Variants in B3GAT1 observed in about 807,000 individuals in gnomAD.
B3GAT1 encodes beta-1,3-glucuronyltransferase 1.
B3GAT1 carries 11 observed loss-of-function variants against 28.4 expected under a neutral mutation model. The observed-to-expected ratio is 0.39, with a 90% CI of 0.24 to 0.64. The LOEUF (loss-of-function observed/expected upper bound fraction) is 0.64, where lower values mean the gene tolerates loss of function less well. Among genes scored for constraint, B3GAT1 ranks in the 30% least tolerant of loss-of-function variants. B3GAT1 has a pLI of 0.50. For synonymous variants in B3GAT1, 255 were observed against 223.1 expected (o/e 1.14, Z -1.27); for missense variants, 375 against 491.0 (o/e 0.76, Z 2.23).
intron 1 of B3GAT1, among the ~76,000 whole-genome samples, chr11:134,400,995 G>T (rs1460833651): frequency 6.6e-6 from 1 of 152,182 alleles, no homozygotes; most frequent in East Asian, 1.9e-4. Flanking sequence ...ATGAAAAAAT[G>T]CTCAAGATTA....
At chr11:134,398,365 A>G (rs1487849739) in intron 1 of B3GAT1, among the ~76,000 whole-genome samples, 10 of 152,120 alleles carry the variant, frequency 6.6e-5, no homozygotes, top group Admixed American at 6.5e-4. Context: ...GGATCCTGGA[A>G]CATAGATGGG....
intron 1 of B3GAT1, among the ~76,000 whole-genome samples, chr11:134,394,967 G>C (rs753059049): frequency 6.6e-6 from 1 of 152,156 alleles, no homozygotes; most frequent in Non-Finnish European, 1.5e-5. Context: ...GGAAACTGGG[G>C]TTTGGCTTAG....
At chr11:134,383,334 C>T (rs1223820782) in intron 3 of B3GAT1, among the ~76,000 whole-genome samples, 2 of 152,248 alleles carry the variant, frequency 1.3e-5, no homozygotes, top group East Asian at 1.9e-4. Flanking sequence ...CCCTTGTCCC[C>T]GAGACTAACA....
intron 1 of B3GAT1, among the ~76,000 whole-genome samples, chr11:134,396,383 T>C (rs1346763736): frequency 1.3e-5 from 2 of 152,110 alleles, no homozygotes; most frequent in Non-Finnish European, 2.9e-5. Flanking sequence ...AGTCATAGCC[T>C]TCTGCCACCC....
rs376242921 is a variant in B3GAT1 at position 134,411,031 on chromosome 11, G to A, written c.-282+776C>T. On this transcript the variant is annotated intron_variant, in intron 1 of 5. Coordinates refer to ENST00000312527, the MANE Select transcript of B3GAT1 (RefSeq NM_054025.3). The surrounding 1 kb of genome is among the most constrained non-coding windows in gnomAD (Gnocchi z 6.0). The stretch of plus-strand genomic sequence containing the variant: ...GAAGGGGACAGGGAAGTTGGCCAAG[G>A]CTCCCATGTGTGTGCATGTGGGGGT... Among the ~76,000 whole-genome samples, 1 of 152,200 alleles carries A rather than the reference G, an allele frequency of 6.6e-6. No homozygotes were observed. The highest frequency in any genetic ancestry group is 2.1e-4 in the South Asian group (1 of 4,834).
In B3GAT1 at chr11:134,383,759, A is replaced by G; in HGVS notation, c.542T>C (p.Phe181Ser). The change falls in exon 3 of 6, where the codon TTC becomes TCC. Residue 181 changes from phenylalanine (F) to serine (S), a missense_variant. Phe to Ser is a radical substitution (Grantham distance 155). Transcript: ENST00000312527. ...NLALRWLRET[F>S]PRNSSQPGVV... Reference sequence around the variant, plus strand: ...GCCAGGCTGGCTGGAGTTGCGCGGGAAGGTCTCGCGCAGCCAGCGCAGGGC... The same window carrying G: ...GCCAGGCTGGCTGGAGTTGCGCGGGGAGGTCTCGCGCAGCCAGCGCAGGGC... 1 of 1,595,728 alleles carries G rather than the reference A, an allele frequency of 6.3e-7. No individual in the cohort carries two copies. Among genetic ancestry groups the G allele is most frequent in the Non-Finnish European group, 8.5e-7 (1 of 1,169,804 alleles).
rs1296983311 is a variant in B3GAT1, at chr11:134,404,026, TA to T, written c.-282+7780del. 1.3e-3 allele frequency among the ~76,000 whole-genome samples: 162 copies of T among 125,230 alleles called. 7 individuals carry two copies. Among genetic ancestry groups the T allele is most frequent in the African/African-American group, 3.9e-3 (128 of 32,716 alleles). 82.2% of individuals were successfully genotyped at this position (125,230 alleles called of 152,430 possible). A position where few individuals can be genotyped will look rare whatever the true frequency, so the allele number is the denominator to read the frequency against. On this transcript the variant is annotated intron_variant, in intron 1 of 5. Coordinates refer to ENST00000312527, the MANE Select transcript of B3GAT1 (RefSeq NM_054025.3). The stretch of plus-strand genomic sequence containing the variant: ...ATATATATATATATATATATATATA[TA>T]TATTTATTATACGTTAAGTTCTAGG...
intron 1 of B3GAT1, among the ~76,000 whole-genome samples, chr11:134,402,278 C>T (rs748105782): frequency 6.6e-5 from 10 of 152,138 alleles, no homozygotes; most frequent in Non-Finnish European, 1.3e-4. Flanking sequence ...GTCACCCTGC[C>T]CAGTCTGGTC....
chr11:134,383,599 G>A (rs1944189302), intron 3 of B3GAT1, 81 bp downstream of exon 3: 6 of 1,435,590 alleles, frequency 4.2e-6, no homozygotes, highest in East Asian at 2.5e-5. Flanking sequence ...GCGCGCCTCC[G>A]CACCCACACC....
rs1020481955 is a variant in B3GAT1, at chr11:134,411,971, C to CCGCG, written c.-450_-447dup. 1.4e-5 allele frequency: 2 copies of CCGCG among 146,752 alleles called. No homozygotes were observed. 9.1% of individuals were successfully genotyped at this position (146,752 alleles called of 1,614,324 possible). ...GGGGGCCACTTCATAGCCGCGGGGT[C>CCGCG]CGCGCGCCCGCCCGCCCCGCCCGGC... On this transcript the variant is annotated 5_prime_UTR_variant, in exon 1 of 6. Transcript: ENST00000312527. The surrounding 1 kb of genome is among the most constrained non-coding windows in gnomAD (Gnocchi z 6.0).
intron 1 of B3GAT1, chr11:134,389,783 T>C (rs1205003042): frequency 6.6e-6 from 1 of 152,394 alleles, no homozygotes; most frequent in East Asian, 1.9e-4. Context: ...AGTCGAGTGC[T>C]ATGGCCGAGG....
chr11:134,388,257 C>T (rs7938437), intron 1 of B3GAT1: 4 of 232,604 alleles, frequency 1.7e-5, no homozygotes, highest in Non-Finnish European at 3.5e-5. Flanking sequence ...AAGTCATTTC[C>T]GTTCTCCATG....
At chr11:134,383,611 C>T (rs779603737) in intron 3 of B3GAT1, 69 bp downstream of exon 3, 5 of 1,446,482 alleles carry the variant, frequency 3.5e-6, no homozygotes. Context: ...ACCCACACCC[C>T]CTTCTCGGGA....
At chr11:134,395,121 G>C (rs1429465231) in intron 1 of B3GAT1, among the ~76,000 whole-genome samples, 1 of 152,176 alleles carries the variant, frequency 6.6e-6, no homozygotes, top group East Asian at 1.9e-4. Context: ...ACTCACCCCA[G>C]AGCCTCCATG....
At chr11:134,409,306 T>C (rs1297446292) in intron 1 of B3GAT1, among the ~76,000 whole-genome samples, 2 of 152,158 alleles carry the variant, frequency 1.3e-5, no homozygotes, top group African/African-American at 4.8e-5. Flanking sequence ...AAAGGTCTTT[T>C]TGCCTGGGGG....
intron 2 of B3GAT1, chr11:134,384,939 G>C (rs1023652429): frequency 6.6e-6 from 1 of 152,140 alleles, no homozygotes; most frequent in African/African-American, 2.4e-5. Context: ...CCATCGGAAG[G>C]GCTCATGCAC....
In B3GAT1 at chr11:134,387,569, G is replaced by T. The variant is rs1944317664; in HGVS notation, c.91C>A (p.Pro31Thr). Residue 31 changes from proline (P) to threonine (T), a missense_variant, in exon 2 of 6, where the codon CCC becomes ACC. Coordinates refer to ENST00000312527, the MANE Select transcript of B3GAT1 (RefSeq NM_054025.3). ...TCACCCTTATGTACCGCGAGCAGGG[G>T]TGCGAGGGTGCTCTGGTGCCAGACA... Reference protein sequence around the residue: ...ITVWHQSTLAPLLAVHKDEGS... With the variant: ...ITVWHQSTLATLLAVHKDEGS... The T allele has an allele frequency of 6.2e-7, 1 of 1,613,984 alleles. No homozygotes were observed. Among genetic ancestry groups the T allele is most frequent in the African/African-American group, 1.3e-5 (1 of 74,942 alleles).
intron 2 of B3GAT1, chr11:134,387,157 ACCACTTTCCTTCCT>A: frequency 2.1e-5 from 4 of 189,670 alleles, no homozygotes; most frequent in South Asian, 1.3e-4. Context: ...TCCTATGAAA[ACCACTTTCCTTCCT>A]ACCAAAACCA....
chr11:134,386,266 T>TC (rs1944282983), intron 2 of B3GAT1: 1 of 152,262 alleles, frequency 6.6e-6, no homozygotes, highest in African/African-American at 2.4e-5. Flanking sequence ...GGACACTGCC[T>TC]GCATCTTGGG....
Sources: gnomAD v4.1 joint callset for allele counts (sites outside exome capture counted in the v4.1 genomes callset) on GRCh38, gnomAD v4.1.1 for gene constraint, Gnocchi (gnomAD v3.1) non-coding constraint, MANE v1.5 for transcripts, NCBI Gene and HGNC (gene_info 2026-07-23, HGNC 2026-07-21) for gene names.